Variants in CADM3 observed in about 807,000 individuals in gnomAD.
CADM3 encodes the protein cell adhesion molecule 3, also known as TSLC1-like 1.
In CADM3, 11 loss-of-function variants were observed where a neutral mutation model predicts 44.9. The observed-to-expected ratio is 0.25, with a 90% CI of 0.15 to 0.41. The LOEUF is 0.41. Ranked by LOEUF, CADM3 falls within the 10% of genes least tolerant of loss-of-function variation. The pLI is 1.00. For synonymous variants in CADM3, 207 were observed against 205.2 expected (o/e 1.01, Z -0.08); for missense variants, 426 against 512.0 (o/e 0.83, Z 1.62).
chr1:159,195,158 A>G (rs1294445475), intron 5 of CADM3: 1 of 152,106 alleles, frequency 6.6e-6, no homozygotes, highest in Admixed American at 6.5e-5. Context: ...CATTTGGCAG[A>G]CTCAATCCAC....
intron 1 of CADM3, 104 bp from the exon 2 acceptor site, chr1:159,191,832 A>C: frequency 7.2e-7 from 1 of 1,381,692 alleles, no homozygotes; most frequent in Non-Finnish European, 1.0e-6. Context: ...CCTTGTGTAC[A>C]CAAGGGCCTT....
intron 1 of CADM3, chr1:159,178,519 G>A (rs746371502): frequency 3.9e-5 from 6 of 152,130 alleles, no homozygotes; most frequent in South Asian, 2.1e-4. Flanking sequence ...GTCTGATCTC[G>A]GAAGCTAAGC....
chr1:159,192,822 A>G, intron 3 of CADM3, 92 bp downstream of exon 3: 2 of 1,325,412 alleles, frequency 1.5e-6, no homozygotes, highest in South Asian at 2.9e-5. Flanking sequence ...GAGCCAGGCA[A>G]GTCTCCAAGC....
intron 1 of CADM3, 141 bp from the exon 2 acceptor site, chr1:159,191,795 C>T (rs981739552): frequency 1.1e-6 from 1 of 907,410 alleles, no homozygotes; most frequent in African/African-American, 1.7e-5. Context: ...TTTCCTTCCC[C>T]CATGAAACCT....
chr1:159,199,558 A>G (rs1650062463), intron 7 of CADM3, among the ~76,000 whole-genome samples, 193 bp from the exon 8 acceptor site: 1 of 152,194 alleles, frequency 6.6e-6, no homozygotes, highest in South Asian at 2.1e-4. Flanking sequence ...TTAATCCATC[A>G]ATTTGTTTTA....
intron 1 of CADM3, chr1:159,189,844 G>T (rs1361022431): frequency 6.2e-7 from 1 of 1,604,542 alleles, no homozygotes; most frequent in Non-Finnish European, 8.5e-7. Context: ...CCACAGTCTG[G>T]AGCAGCCCTG....
At chr1:159,191,512 C>T (rs546199741) in intron 1 of CADM3, among the ~76,000 whole-genome samples, 18 of 152,308 alleles carry the variant, frequency 1.2e-4, no homozygotes, top group East Asian at 9.6e-4. Flanking sequence ...ACTGCTTCTC[C>T]TGTTCTTGTT....
intron 1 of CADM3, among the ~76,000 whole-genome samples, chr1:159,184,139 T>G (rs773438610): frequency 9.3e-4 from 142 of 152,342 alleles, no homozygotes; most frequent in Non-Finnish European, 1.5e-3. Flanking sequence ...TGAGTTCTAA[T>G]CCTGATTTTG....
At chr1:159,185,071 T>C (rs1649366145) in intron 1 of CADM3, among the ~76,000 whole-genome samples, 1 of 152,132 alleles carries the variant, frequency 6.6e-6, no homozygotes, top group African/African-American at 2.4e-5. Flanking sequence ...GCCTAGCTGC[T>C]AGAGTGCTAT....
chr1:159,173,416 T>G (rs140989613), intron 1 of CADM3, among the ~76,000 whole-genome samples: 72 of 152,198 alleles, frequency 4.7e-4, no homozygotes, highest in Middle Eastern at 3.4e-3. Flanking sequence ...CCCCTCCCTA[T>G]AGTTGGCTGG....
At chr1:159,172,662 C>T (rs184918748) in intron 1 of CADM3, among the ~76,000 whole-genome samples, 1 of 152,238 alleles carries the variant, frequency 6.6e-6, no homozygotes, top group African/African-American at 2.4e-5. Context: ...CACTGATTTT[C>T]CCAAATTTGG....
intron 6 of CADM3, 151 bp from the exon 7 acceptor site, chr1:159,196,740 G>A (rs2102132416): frequency 2.6e-6 from 2 of 759,772 alleles, no homozygotes; most frequent in East Asian, 5.4e-5. Flanking sequence ...GAGGCCACCT[G>A]GCGTATAGCA....
At chr1:159,173,249 G>A (rs1407793423) in intron 1 of CADM3, among the ~76,000 whole-genome samples, 1 of 151,710 alleles carries the variant, frequency 6.6e-6, no homozygotes, top group Non-Finnish European at 1.5e-5. Context: ...GAGGGGAGGG[G>A]TTGAAACTGG....
chr1:159,171,814 T>C lies in CADM3; in HGVS notation c.49T>C (p.Cys17Arg). ...CCTGCTCCTGCTCCTGCTGTTCGCC[T>C]GCTGCTGGGCGCCCGGCGGGGCCAA... ...SLLLLLLLFA[C>R]CWAPGGANLS... Residue 17 changes from cysteine to arginine, a missense_variant, in exon 1 of 9, where the codon TGC becomes CGC. Cys to Arg is a radical substitution (Grantham distance 180, BLOSUM62 -3). Transcript: ENST00000368125. The C allele has an allele frequency of 4.8e-6, 6 of 1,247,778 alleles. No homozygotes were observed. The highest frequency in any genetic ancestry group is 6.0e-6 in the Non-Finnish European group (6 of 994,870). The allele number at this position is 1,247,778 out of a possible 1,614,324, so 77.3% of individuals were successfully genotyped here. A position where few individuals can be genotyped will look rare whatever the true frequency, so the allele number is the denominator to read the frequency against.
intron 1 of CADM3, among the ~76,000 whole-genome samples, 166 bp from the exon 2 acceptor site, chr1:159,191,770 G>GCCACCA (rs1557935656): frequency 6.6e-6 from 1 of 152,064 alleles, no homozygotes; most frequent in Non-Finnish European, 1.5e-5. Flanking sequence ...TCCCTCCACC[G>GCCACCA]CCACCACCAC....
chr1:159,177,836 A>T (rs768451008), intron 1 of CADM3, among the ~76,000 whole-genome samples: 1 of 152,228 alleles, frequency 6.6e-6, no homozygotes, highest in Non-Finnish European at 1.5e-5. Context: ...ATGTTTTGTC[A>T]TATCTGGATT....
chr1:159,192,865 C>A, intron 3 of CADM3, 135 bp downstream of exon 3: 1 of 832,380 alleles, frequency 1.2e-6, no homozygotes, highest in Non-Finnish European at 1.9e-6. Context: ...GTTCCCCTGG[C>A]AATGGGATAA....
rs35333710 is a variant in CADM3 at position 159,203,064 on chromosome 1, G to A, written c.*2142G>A. On this transcript the variant is annotated 3_prime_UTR_variant, in exon 9 of 9. Coordinates refer to ENST00000368125, the MANE Select transcript of CADM3 (RefSeq NM_001127173.3). The stretch of plus-strand genomic sequence containing the variant: ...GGGGGAAGGGAGCAGGGAGGGGACC[G>A]TGTATCTTTATAATCTTTCTAACTC... 0.076 allele frequency: 11,480 copies of A among 151,674 alleles called. 596 individuals carry two copies. The highest frequency in any genetic ancestry group is 0.14 in the Admixed American group (2,055 of 15,188). 9.4% of individuals were successfully genotyped at this position (151,674 alleles called of 1,614,324 possible). A position where few individuals can be genotyped will look rare whatever the true frequency, so the allele number is the denominator to read the frequency against.
intron 1 of CADM3, among the ~76,000 whole-genome samples, chr1:159,187,480 A>G (rs1649463014): frequency 6.6e-6 from 1 of 152,244 alleles, no homozygotes; most frequent in Non-Finnish European, 1.5e-5. Flanking sequence ...ATTGAACCTC[A>G]TTGTAAAAAG....
Sources: allele counts gnomAD v4.1 joint callset (sites outside exome capture counted in the v4.1 genomes callset), GRCh38; gene constraint gnomAD v4.1.1; transcripts MANE v1.5; gene names NCBI Gene and HGNC (gene_info 2026-07-23, HGNC 2026-07-21).